The following CSF1 variants were observed in gnomAD, a reference collection of about 807,000 sequenced individuals.
CSF1 encodes macrophage colony-stimulating factor 1.
CSF1 carries 9 observed loss-of-function variants against 48.9 expected under a neutral mutation model. The observed-to-expected ratio is 0.18, with a 90% CI of 0.11 to 0.32. The LOEUF is 0.32. Among genes scored for constraint, CSF1 ranks in the 10% least tolerant of loss-of-function variants. The pLI, the probability that CSF1 is intolerant of heterozygous loss-of-function variation, is 1.00. For synonymous variants in CSF1, 305 were observed against 284.1 expected, an observed-to-expected ratio of 1.07 and a Z score of -0.74; for missense variants, 672 against 697.9, an observed-to-expected ratio of 0.96 and a Z score of 0.42.
intron 3 of CSF1, among the ~76,000 whole-genome samples, chr1:109,917,091 C>G (rs1189073211): frequency 6.6e-6 from 1 of 152,104 alleles, no homozygotes; most frequent in East Asian, 1.9e-4. Flanking sequence ...TTCCTTCACT[C>G]TAGCCCAGTC....
intron 3 of CSF1, among the ~76,000 whole-genome samples, chr1:109,916,478 C>T (rs1196526382): frequency 6.6e-6 from 1 of 152,144 alleles, no homozygotes; most frequent in Non-Finnish European, 1.5e-5. Flanking sequence ...GCCTCTATAC[C>T]ACCTCCCCAT....
At chr1:109,921,586 C>T (rs969279770) in intron 4 of CSF1, among the ~76,000 whole-genome samples, 2 of 152,196 alleles carry the variant, frequency 1.3e-5, no homozygotes, top group African/African-American at 2.4e-5. Flanking sequence ...AGCCAGGAAC[C>T]ACCTCTCTCT....
intron 8 of CSF1, 52 bp downstream of exon 8, chr1:109,925,254 C>T: frequency 6.7e-7 from 1 of 1,488,918 alleles, no homozygotes; most frequent in Non-Finnish European, 9.4e-7. Flanking sequence ...TACCCTTTTC[C>T]AGTCACGTTC....
intron 7 of CSF1, 102 bp downstream of exon 7, chr1:109,924,930 T>C: frequency 2.4e-6 from 3 of 1,239,782 alleles, no homozygotes; most frequent in Non-Finnish European, 3.5e-6. Context: ...TCTGAGGAAA[T>C]GGAGCTGCAG....
intron 5 of CSF1, chr1:109,922,431 T>G: frequency 6.3e-6 from 1 of 159,050 alleles, no homozygotes. Context: ...ATCACCATGA[T>G]ACCCTGGCTC....
In CSF1 at chr1:109,917,358, G is replaced by A. The variant is rs1462980680; in HGVS notation, c.291G>A (p.Met97Ile). The change falls in exon 4 of 9, where the codon ATG becomes ATA. Residue 97 changes from methionine (M) to isoleucine (I), a missense_variant. Coordinates refer to ENST00000329608, the MANE Select transcript of CSF1 (RefSeq NM_000757.6). ...TACAAGACATAATGGAGGACACCATGCGCTTCAGAGATAACACCCCCAATG... is the reference window on the plus strand; with the variant it reads ...TACAAGACATAATGGAGGACACCATACGCTTCAGAGATAACACCCCCAATG... ...LLVQDIMEDT[M>I]RFRDNTPNAI... The A allele has an allele frequency of 1.2e-6, 2 of 1,614,214 alleles. No homozygotes were observed. Among genetic ancestry groups the A allele is most frequent in the Admixed American group, 1.7e-5 (1 of 60,030 alleles).
At chr1:109,927,776 G>C (rs1318399257) in intron 8 of CSF1, among the ~76,000 whole-genome samples, 1 of 152,220 alleles carries the variant, frequency 6.6e-6, no homozygotes, top group Non-Finnish European at 1.5e-5. Context: ...TGAGAAGTGA[G>C]AGAGAGAAAC....
In CSF1 at chr1:109,914,370, C is replaced by T. The variant is rs200522461; in HGVS notation, c.151C>T (p.Leu51=). 1.5e-4 allele frequency: 235 copies of T among 1,600,018 alleles called. 1 individual carries two copies. The highest frequency in any genetic ancestry group is 1.9e-4 in the Non-Finnish European group (224 of 1,173,114). Residue 51 remains leucine, a synonymous_variant, in exon 2 of 9, where the codon CTG becomes TTG. Coordinates refer to ENST00000329608, the MANE Select transcript of CSF1 (RefSeq NM_000757.6). ...HMIGSGHLQS[L]QRLIDSQMET... ...GATTGGGAGTGGACACCTGCAGTCT[C>T]TGCAGCGGCTGGTGAGTGTGTGGCC...
Position 109,930,684 on chromosome 1 carries a change from C to T in CSF1, c.*1846C>T, listed in dbSNP as rs1648032601. The T allele has an allele frequency of 6.6e-6, 1 of 152,226 alleles. No individual in the cohort carries two copies. The highest frequency in any genetic ancestry group is 1.5e-5 in the Non-Finnish European group (1 of 68,050). 9.4% of individuals were successfully genotyped at this position (152,226 alleles called of 1,614,324 possible). A position where few individuals can be genotyped will look rare whatever the true frequency, so the allele number is the denominator to read the frequency against. On this transcript the variant is annotated 3_prime_UTR_variant, in exon 9 of 9. Coordinates refer to ENST00000329608, the MANE Select transcript of CSF1 (RefSeq NM_000757.6). ...AAAAAGGCATTCCCCCTTCATCCCC[C>T]TACCTTAAACATATAATATTTTAAA...
chr1:109,923,111 A>G (rs1647638399), intron 5 of CSF1, 55 bp from the exon 6 acceptor site: 2 of 1,464,454 alleles, frequency 1.4e-6, no homozygotes, highest in Non-Finnish European at 1.8e-6. Context: ...GCTGGAGGCT[A>G]GTGACTCTAT....
At chr1:109,918,584 A>G (rs181248664) in intron 4 of CSF1, among the ~76,000 whole-genome samples, 102 of 152,262 alleles carry the variant, frequency 6.7e-4, no homozygotes, top group African/African-American at 2.4e-3. Flanking sequence ...AATCAACAAG[A>G]CTTGGTACGT....
chr1:109,911,156 G>A, intron 1 of CSF1, 94 bp downstream of exon 1: 1 of 807,912 alleles, frequency 1.2e-6, no homozygotes, highest in Non-Finnish European at 1.5e-6. Context: ...CCGACAGCCT[G>A]GGCGCGCCGG....
intron 8 of CSF1, among the ~76,000 whole-genome samples, 181 bp from the exon 9 acceptor site, chr1:109,928,671 G>C (rs973425270): frequency 2.0e-5 from 3 of 152,116 alleles, no homozygotes. Flanking sequence ...GCCTGGGCTG[G>C]TGCCAGAGAA....
intron 4 of CSF1, among the ~76,000 whole-genome samples, chr1:109,917,841 G>A (rs1018405272): frequency 3.9e-5 from 6 of 152,226 alleles, no homozygotes; most frequent in African/African-American, 1.4e-4. Flanking sequence ...CCAGGAAACA[G>A]CTGTGATGAA....
chr1:109,925,637 C>T (rs1050501789), intron 8 of CSF1, among the ~76,000 whole-genome samples: 5 of 152,218 alleles, frequency 3.3e-5, no homozygotes, highest in South Asian at 4.1e-4. Flanking sequence ...TCGCCACCCC[C>T]GCACCAGTTA....
chr1:109,918,950 G>C (rs1200438222), intron 4 of CSF1, among the ~76,000 whole-genome samples: 2 of 152,064 alleles, frequency 1.3e-5, no homozygotes, highest in East Asian at 1.9e-4. Context: ...GGGGGACCTG[G>C]CAAGGGGCAG....
At chr1:109,916,522 A>G (rs1379176158) in intron 3 of CSF1, among the ~76,000 whole-genome samples, 3 of 152,106 alleles carry the variant, frequency 2.0e-5, no homozygotes, top group Non-Finnish European at 4.4e-5. Context: ...TCTTTGCACA[A>G]GCTCTTTCCA....
intron 1 of CSF1, among the ~76,000 whole-genome samples, chr1:109,912,543 G>A (rs940761992): frequency 1.3e-5 from 2 of 152,114 alleles, no homozygotes; most frequent in Non-Finnish European, 2.9e-5. Context: ...ATCCCCTTTG[G>A]CCAGCTTCGA....
intron 3 of CSF1, among the ~76,000 whole-genome samples, chr1:109,916,722 T>G (rs899030403): frequency 9.9e-5 from 15 of 152,224 alleles, no homozygotes; most frequent in African/African-American, 3.4e-4. Context: ...CAGTATTTTA[T>G]GCACTCACTC....
Sources: gnomAD v4.1 joint callset for allele counts (sites outside exome capture counted in the v4.1 genomes callset) on GRCh38, gnomAD v4.1.1 for gene constraint, MANE v1.5 for transcripts, NCBI Gene and HGNC (gene_info 2026-07-23, HGNC 2026-07-21) for gene names.